The following PKD2L2 variants were observed in gnomAD, a reference collection of about 807,000 sequenced individuals.
PKD2L2 encodes the protein polycystin-2-like protein 2.
A neutral mutation model predicts 83.9 loss-of-function variants in PKD2L2; 67 were observed. That is an observed-to-expected ratio of 0.80 (90% CI 0.66 to 0.98). The LOEUF is 0.98. Ranked by LOEUF, PKD2L2 falls within the 50% of genes least tolerant of loss-of-function variation. The pLI is 0.00. For synonymous variants in PKD2L2, 223 were observed against 237.8 expected (o/e 0.94, Z 0.57); for missense variants, 632 against 717.2 (o/e 0.88, Z 1.36).
At chr5:137,935,303 G>A (rs1581004045) in intron 12 of PKD2L2, among the ~76,000 whole-genome samples, 1 of 152,104 alleles carries the variant, frequency 6.6e-6, no homozygotes, top group East Asian at 1.9e-4. Context: ...GCTTGTTTTT[G>A]GATACGTAGA....
intron 13 of PKD2L2, 45 bp downstream of exon 13, chr5:137,935,954 G>A: frequency 9.7e-7 from 1 of 1,032,596 alleles, no homozygotes; most frequent in Non-Finnish European, 1.5e-6. Flanking sequence ...ATCATGACAT[G>A]CGCATTAAGG....
At chr5:137,938,506 C>G (rs879859366) in intron 14 of PKD2L2, 2 of 152,502 alleles carry the variant, frequency 1.3e-5, no homozygotes, top group Non-Finnish European at 2.9e-5. Flanking sequence ...AATGATACAT[C>G]TTTTGGTATT....
At chr5:137,923,641 C>T (rs892870693) in intron 10 of PKD2L2, 120 bp downstream of exon 10, 1 of 663,540 alleles carries the variant, frequency 1.5e-6, no homozygotes, top group Non-Finnish European at 2.8e-6. Flanking sequence ...CACCCCATCC[C>T]ATCCCCAGGG....
intron 8 of PKD2L2, among the ~76,000 whole-genome samples, chr5:137,920,508 C>T (rs1179625980): frequency 6.6e-6 from 1 of 152,106 alleles, no homozygotes; most frequent in African/African-American, 2.4e-5. Context: ...CTTGTAATCC[C>T]AGCACTTTGG....
intron 8 of PKD2L2, among the ~76,000 whole-genome samples, chr5:137,911,386 G>C (rs1011716231): frequency 7.2e-5 from 11 of 152,056 alleles, no homozygotes; most frequent in African/African-American, 2.7e-4. Context: ...TACACACTTG[G>C]GTTGGTTCCA....
intron 3 of PKD2L2, among the ~76,000 whole-genome samples, chr5:137,893,264 T>C (rs1756151625): frequency 6.6e-6 from 1 of 152,156 alleles, no homozygotes; most frequent in Non-Finnish European, 1.5e-5. Context: ...TTATATGTGT[T>C]ACAGTAAGGT....
At chr5:137,940,391 G>A (rs753796582) in intron 14 of PKD2L2, 3 of 1,438,720 alleles carry the variant, frequency 2.1e-6, no homozygotes, top group Non-Finnish European at 2.8e-6. Flanking sequence ...GAGATCATTT[G>A]GAAAAAAAGA....
Position 137,929,083 on chromosome 5 carries a change from TGAA to T in PKD2L2, c.1671+3161_1671+3163del, listed in dbSNP as rs541932753. Among the ~76,000 whole-genome samples the T allele has an allele frequency of 3.6e-3, 552 of 152,072 alleles. 4 individuals are homozygous for T. The highest frequency in any genetic ancestry group is 0.013 in the African/African-American group (530 of 41,486). On this transcript the variant is annotated intron_variant, in intron 12 of 14. Transcript: ENST00000508883. ...AATTGGGTAGTAGAGGAGAGGACAATGAAGAAGAATTTACAAGCTAATTTGCTT... is the reference window on the plus strand; with the variant it reads ...AATTGGGTAGTAGAGGAGAGGACAATGAAGAATTTACAAGCTAATTTGCTT...
intron 4 of PKD2L2, among the ~76,000 whole-genome samples, 163 bp from the exon 5 acceptor site, chr5:137,899,353 G>A (rs1287121684): frequency 6.6e-6 from 1 of 152,154 alleles, no homozygotes; most frequent in Non-Finnish European, 1.5e-5. Context: ...CTGGGCTCAA[G>A]GGATCCGCCT....
In PKD2L2 at chr5:137,933,004, T is replaced by C. The variant is rs17171625; in HGVS notation, c.1672-2793T>C. ...CCACTGTTGCTGGAGATAACTACCA[T>C]TGCATAAGCAGTGCCAATAGAAACA... On this transcript the variant is annotated intron_variant, in intron 12 of 14. Transcript: ENST00000508883. Among the ~76,000 whole-genome samples the C allele has an allele frequency of 9.5e-3, 1,418 of 149,460 alleles. 20 individuals are homozygous for C. The highest frequency in any genetic ancestry group is 0.033 in the African/African-American group (1,336 of 40,450).
At chr5:137,889,995 C>T (rs1302520254) in intron 1 of PKD2L2, 1 of 162,120 alleles carries the variant, frequency 6.2e-6, no homozygotes, top group Admixed American at 6.5e-5. Context: ...GATATAAAAT[C>T]TGTTAGTGGC....
intron 13 of PKD2L2, 27 bp downstream of exon 13, chr5:137,935,936 T>TA (rs771936701): frequency 2.5e-6 from 3 of 1,213,368 alleles, no homozygotes; most frequent in Non-Finnish European, 3.6e-6. Context: ...ACCAGACTAT[T>TA]ATGGGATATC....
chr5:137,910,264 T>G (rs1183010042), intron 8 of PKD2L2, among the ~76,000 whole-genome samples: 2 of 147,546 alleles, frequency 1.4e-5, no homozygotes, highest in Non-Finnish European at 3.0e-5. Context: ...ATAATAATAA[T>G]AATAATAATA....
intron 14 of PKD2L2, among the ~76,000 whole-genome samples, chr5:137,936,848 C>T (rs538319412): frequency 9.9e-5 from 15 of 152,224 alleles, no homozygotes; most frequent in African/African-American, 1.4e-4. Flanking sequence ...ATCAAACTAT[C>T]CTTAGGGTCA....
chr5:137,920,625 C>T (rs1300536476), intron 8 of PKD2L2, among the ~76,000 whole-genome samples: 1 of 151,900 alleles, frequency 6.6e-6, no homozygotes, highest in African/African-American at 2.4e-5. Context: ...GGCGTGGTGG[C>T]ACACGCCTGT....
At chr5:137,920,992 T>A (rs1202211280) in intron 8 of PKD2L2, among the ~76,000 whole-genome samples, 1 of 152,170 alleles carries the variant, frequency 6.6e-6, no homozygotes, top group African/African-American at 2.4e-5. Flanking sequence ...GTTCTAATGT[T>A]TAGAAGGGCA....
At chr5:137,894,050 C>A (rs1046963925) in intron 3 of PKD2L2, among the ~76,000 whole-genome samples, 1 of 152,048 alleles carries the variant, frequency 6.6e-6, no homozygotes, top group Non-Finnish European at 1.5e-5. Flanking sequence ...GTGGCTATGA[C>A]CAGCTCTGAT....
chr5:137,931,782 A>G (rs546539684), intron 12 of PKD2L2, among the ~76,000 whole-genome samples: 11 of 152,352 alleles, frequency 7.2e-5, no homozygotes, highest in African/African-American at 2.6e-4. Flanking sequence ...ATTAGATAAG[A>G]GAACTACATT....
intron 4 of PKD2L2, 147 bp downstream of exon 4, chr5:137,894,756 C>A: frequency 1.6e-6 from 1 of 642,394 alleles, no homozygotes; most frequent in Non-Finnish European, 2.7e-6. Flanking sequence ...GTGGAGATAG[C>A]AGTGTTTAGA....
Sources: allele counts gnomAD v4.1 joint callset (sites outside exome capture counted in the v4.1 genomes callset), GRCh38; gene constraint gnomAD v4.1.1; transcripts MANE v1.5; gene names NCBI Gene and HGNC (gene_info 2026-07-23, HGNC 2026-07-21).